ACO2: variants seen among roughly 807,000 people sequenced by gnomAD.
ACO2 encodes the protein aconitase 2, also known as aconitate hydratase, mitochondrial.
In ACO2, 31 loss-of-function variants were observed where a neutral mutation model predicts 84.5. The ratio of observed to expected loss-of-function variants is 0.37; its 90% CI spans 0.28 to 0.50. The LOEUF (loss-of-function observed/expected upper bound fraction) is 0.50, where lower values mean the gene tolerates loss of function less well. ACO2 is among the 20% of genes least tolerant of loss of function. The pLI, the probability that ACO2 is intolerant of heterozygous loss-of-function variation, is 0.97. For missense variants in ACO2, 685 were observed against 1,029.3 expected (o/e 0.67, Z 4.58); for synonymous variants, 414 against 412.7 (o/e 1.00, Z -0.04).
At chr22:41,505,147 G>A (rs573449157) in intron 2 of ACO2, among the ~76,000 whole-genome samples, 95 of 152,148 alleles carry the variant, frequency 6.2e-4, no homozygotes, top group African/African-American at 2.2e-3. Flanking sequence ...GAAAGGATGA[G>A]GTGGCTCACA....
intron 1 of ACO2, among the ~76,000 whole-genome samples, chr22:41,471,782 G>C (rs1275177279): frequency 1.3e-5 from 2 of 152,202 alleles, no homozygotes; most frequent in Non-Finnish European, 2.9e-5. Flanking sequence ...GTGAGATGAG[G>C]CAGGCCTATT....
chr22:41,469,196 G>A lies in ACO2; in HGVS notation c.36+14G>A. 6.2e-7 allele frequency: 1 copy of A among 1,606,706 alleles called. No individual in the cohort carries two copies. Among genetic ancestry groups the A allele is most frequent in the Non-Finnish European group, 8.5e-7 (1 of 1,176,470 alleles). On this transcript the variant is annotated intron_variant, in intron 1 of 17. Transcript: ENST00000216254. The stretch of plus-strand genomic sequence containing the variant: ...ACTCGGCTGCAGGTGAGCGAGCTCA[G>A]GGACCTCTGGGTTCACGGGGGCGGG...
At chr22:41,518,625 G>A in intron 8 of ACO2, 53 bp downstream of exon 8, 1 of 1,407,722 alleles carries the variant, frequency 7.1e-7, no homozygotes, top group East Asian at 2.3e-5. Context: ...GTGGGGAGCA[G>A]GGCGGGTCCT....
At position 41,493,101 on chromosome 22, in the gene ACO2, T is replaced by TTATC. The variant is rs2066285036; in HGVS notation, c.37-6624_37-6621dup. ...AGAGAGGGGAGGAAGGGGGCCGGATTTATCCCTTTATCAGGAACCGACTCG... is the reference window on the plus strand; with the variant it reads ...AGAGAGGGGAGGAAGGGGGCCGGATTTATCTATCCCTTTATCAGGAACCGACTCG... On this transcript the variant is annotated intron_variant, in intron 1 of 17. Transcript: ENST00000216254. Among the ~76,000 whole-genome samples, 6 of 152,172 alleles carry TTATC rather than the reference T, an allele frequency of 3.9e-5. No individual in the cohort carries two copies. In the South Asian group the frequency reaches 1.2e-3, roughly 32 times the overall value.
chr22:41,497,523 T>C (rs1172577393), intron 1 of ACO2, among the ~76,000 whole-genome samples: 1 of 151,918 alleles, frequency 6.6e-6, no homozygotes, highest in African/African-American at 2.4e-5. Context: ...GGAGGATTGC[T>C]TGAGGCCAGG....
chr22:41,489,538 A>G (rs996096405), intron 1 of ACO2, among the ~76,000 whole-genome samples: 14 of 151,890 alleles, frequency 9.2e-5, no homozygotes, highest in African/African-American at 3.4e-4. Flanking sequence ...CATGACATTG[A>G]CTCTTTGAAG....
intron 1 of ACO2, among the ~76,000 whole-genome samples, chr22:41,470,428 A>G (rs541272535): frequency 2.6e-5 from 4 of 152,028 alleles, no homozygotes; most frequent in South Asian, 4.2e-4. Flanking sequence ...AATTGAAACC[A>G]TATGGTTTAA....
At chr22:41,512,042 G>T in intron 4 of ACO2, 74 bp downstream of exon 4, 1 of 1,223,312 alleles carries the variant, frequency 8.2e-7, no homozygotes, top group Non-Finnish European at 1.1e-6. Context: ...GGGGGGAGGG[G>T]GTTTGAGGCC....
rs776829519 is a variant in ACO2 at position 41,526,642 on chromosome 22, G to A, written c.1953+189G>A. On this transcript the variant is annotated intron_variant, in intron 15 of 17. Coordinates refer to ENST00000216254, the MANE Select transcript of ACO2 (RefSeq NM_001098.3). ...CTGAGAAGGCATGAGGCCCAGGTCC[G>A]GTGGTACAGCCGGGTCCCTGCACCA... is the stretch of plus-strand genomic sequence containing the variant. 99 of 560,954 alleles carry A rather than the reference G, an allele frequency of 1.8e-4. 2 individuals carry two copies. Among genetic ancestry groups the A allele is most frequent in the Non-Finnish European group, 2.6e-4 (86 of 328,958 alleles). The allele number at this position is 560,954 out of a possible 1,614,324, so 34.7% of individuals were successfully genotyped here.
intron 4 of ACO2, among the ~76,000 whole-genome samples, chr22:41,513,611 T>C (rs955138562): frequency 3.3e-5 from 2 of 61,286 alleles, no homozygotes; most frequent in Non-Finnish European, 6.0e-5. Flanking sequence ...CTTCACATTA[T>C]GTTCCAGCAT....
At chr22:41,492,666 G>A (rs890995605) in intron 1 of ACO2, among the ~76,000 whole-genome samples, 3 of 152,092 alleles carry the variant, frequency 2.0e-5, no homozygotes, top group Admixed American at 6.6e-5. Flanking sequence ...CCAGTTACTC[G>A]GGAGGCTGAG....
intron 15 of ACO2, 110 bp from the exon 16 acceptor site, chr22:41,527,178 G>A: frequency 6.5e-7 from 1 of 1,535,126 alleles, no homozygotes; most frequent in South Asian, 1.2e-5. Context: ...CCTTTACCGG[G>A]AGCCTCAGGA....
Position 41,526,392 on chromosome 22 carries a change from C to G in ACO2, c.1892C>G (p.Ser631Cys). The G allele has an allele frequency of 6.2e-7, 1 of 1,613,928 alleles. No individual in the cohort carries two copies. Among genetic ancestry groups the G allele is most frequent in the Non-Finnish European group, 8.5e-7 (1 of 1,180,030 alleles). ...AINIENGKAN[S>C]VRNAVTQEFG... is the part of the protein sequence containing the mutation. The stretch of plus-strand genomic sequence containing the variant: ...AACATTGAAAACGGCAAGGCCAACT[C>G]CGTGCGCAATGCCGTCACTCAGGAG... The change falls in exon 15 of 18, where the codon TCC becomes TGC. Residue 631 changes from serine (S) to cysteine (C), a missense_variant. Transcript: ENST00000216254.
intron 1 of ACO2, among the ~76,000 whole-genome samples, chr22:41,495,758 C>T (rs1030621054): frequency 1.3e-5 from 2 of 151,384 alleles, no homozygotes; most frequent in Non-Finnish European, 2.9e-5. Flanking sequence ...GTAGCTGGGG[C>T]TACAGGCGCC....
intron 14 of ACO2, 82 bp downstream of exon 14, chr22:41,525,430 G>A (rs1313404101): frequency 1.3e-6 from 2 of 1,550,628 alleles, no homozygotes; most frequent in Non-Finnish European, 1.8e-6. Context: ...CCATGAACCT[G>A]GAGGAAGTGA....
Position 41,527,274 on chromosome 22 carries a change from C to T in ACO2, c.1954-14C>T, listed in dbSNP as rs778469721. On this transcript the variant is annotated splice_polypyrimidine_tract_variant and intron_variant, in intron 15 of 17. Transcript: ENST00000216254. ...CTCCTCTGCCTTATAACCTTACCCCCGCTTGCCTGACAGAAACATGGCATC... is the reference window on the plus strand; with the variant it reads ...CTCCTCTGCCTTATAACCTTACCCCTGCTTGCCTGACAGAAACATGGCATC... The T allele has an allele frequency of 1.9e-5, 31 of 1,614,010 alleles. No homozygotes were observed. The highest frequency in any genetic ancestry group is 3.3e-4 in the Middle Eastern group (2 of 6,082).
chr22:41,521,033 T>G (rs940530299), intron 9 of ACO2, among the ~76,000 whole-genome samples: 2 of 58,714 alleles, frequency 3.4e-5, no homozygotes, highest in African/African-American at 8.6e-5. Context: ...AGAGCCTGCC[T>G]CCAAAAAAAA....
In ACO2 at chr22:41,525,239, G is replaced by A. The variant is rs540222477; in HGVS notation, c.1652G>A (p.Ser551Asn). The change falls in exon 14 of 18, where the codon AGC becomes AAC. Residue 551 changes from serine (S) to asparagine (N), a missense_variant. Around this residue, in one of 5 missense-constraint regions of ACO2, gnomAD observed 311 missense variants for 441.6 expected, o/e 0.70. Coordinates refer to ENST00000216254, the MANE Select transcript of ACO2 (RefSeq NM_001098.3). The stretch of plus-strand genomic sequence containing the variant: ...ACCTACCAGCACCCACCCAAGGACA[G>A]CAGCGGGCAGCATGTGGACGTGAGC... ...QDTYQHPPKD[S>N]SGQHVDVSPT... 6.2e-6 allele frequency: 10 copies of A among 1,614,066 alleles called. No homozygotes were observed. The East Asian group carries it at 1.8e-4, about 29-fold the overall frequency.
rs535157906 is a variant in ACO2 at position 41,471,412 on chromosome 22, C to G, written c.36+2230C>G. Among the ~76,000 whole-genome samples the G allele has an allele frequency of 5.9e-5, 9 of 152,316 alleles. 1 individual carries two copies. In the South Asian group the frequency reaches 1.9e-3, roughly 32 times the overall value. On this transcript the variant is annotated intron_variant, in intron 1 of 17. Transcript: ENST00000216254. ...TCTCTGAGAAGCTTGTATATTTACC[C>G]CTTTTGTGCTTAGATACATTTGAGA...
Sources: gnomAD v4.1 joint callset for allele counts (sites outside exome capture counted in the v4.1 genomes callset) on GRCh38, gnomAD v4.1.1 for gene constraint, gnomAD v4.1.1 regional missense constraint, MANE v1.5 for transcripts, NCBI Gene and HGNC (gene_info 2026-07-23, HGNC 2026-07-21) for gene names.